Variants in HDGFL3 observed in about 807,000 individuals in gnomAD.
HDGFL3 encodes hepatoma-derived growth factor-related protein 3.
A neutral mutation model predicts 27.6 loss-of-function variants in HDGFL3; 6 were observed. The observed-to-expected ratio is 0.22, with a 90% CI of 0.12 to 0.43. HDGFL3 has a LOEUF of 0.43. Ranked by LOEUF, HDGFL3 falls within the 20% of genes least tolerant of loss-of-function variation. HDGFL3 has a pLI of 1.00. For synonymous variants in HDGFL3, 88 were observed against 88.9 expected (o/e 0.99, Z 0.05); for missense variants, 207 against 250.1 (o/e 0.83, Z 1.16).
At chr15:83,120,968 C>T (rs886656192) in intron 3 of HDGFL3, among the ~76,000 whole-genome samples, 18 of 152,012 alleles carry the variant, frequency 1.2e-4, no homozygotes, top group Non-Finnish European at 2.2e-4. Flanking sequence ...TGGGGCAGGA[C>T]GCACACAGTA....
At chr15:83,115,041 G>C (rs1462798039) in exon 4 of HDGFL3, 4 of 152,478 alleles carry the variant, frequency 2.6e-5, no homozygotes, top group African/African-American at 9.7e-5. Flanking sequence ...ACGCCATGTG[G>C]AATAGGGTAA....
At chr15:83,119,679 GGAGT>G in intron 3 of HDGFL3, 1 of 1,614,144 alleles carries the variant, frequency 6.2e-7, no homozygotes, top group Non-Finnish European at 8.5e-7. Context: ...CCATAGCATG[GGAGT>G]AAGTCAGTTC....
In HDGFL3 at chr15:83,134,644, G is replaced by A. The variant is rs2036493146; in HGVS notation, c.*4626C>T. On this transcript the variant is annotated 3_prime_UTR_variant, in exon 6 of 6. Transcript: ENST00000299633. ...TTTTTACACAGGCTCCCCTATGCAAGTAGGCACAACTGCTCATATTTATTC... is the reference window on the plus strand; with the variant it reads ...TTTTTACACAGGCTCCCCTATGCAAATAGGCACAACTGCTCATATTTATTC... 6.6e-6 allele frequency: 1 copy of A among 152,220 alleles called. No homozygotes were observed. Among genetic ancestry groups the A allele is most frequent in the Non-Finnish European group, 1.5e-5 (1 of 68,070 alleles). The allele number at this position is 152,220 out of a possible 1,614,324, so 9.4% of individuals were successfully genotyped here.
At chr15:83,190,179 G>A (rs1034425904) in intron 1 of HDGFL3, among the ~76,000 whole-genome samples, 4 of 144,354 alleles carry the variant, frequency 2.8e-5, no homozygotes, top group Admixed American at 1.4e-4. Context: ...CTATACTCCA[G>A]CCTGGGCAAC....
chr15:83,157,270 C>A, intron 4 of HDGFL3, 145 bp downstream of exon 4: 1 of 779,804 alleles, frequency 1.3e-6, no homozygotes, highest in Non-Finnish European at 2.1e-6. Flanking sequence ...ACCTGACTTC[C>A]CTCTGCTGTA....
chr15:83,129,219 T>C lies in HDGFL3; in HGVS notation c.*10051A>G, dbSNP rs1351723531. 1 of 152,240 alleles carries C rather than the reference T, an allele frequency of 6.6e-6. No homozygotes were observed. Among genetic ancestry groups the C allele is most frequent in the Non-Finnish European group, 1.5e-5 (1 of 68,062 alleles). The allele number at this position is 152,240 out of a possible 1,614,324, so 9.4% of individuals were successfully genotyped here. A position where few individuals can be genotyped will look rare whatever the true frequency, so the allele number is the denominator to read the frequency against. The stretch of plus-strand genomic sequence containing the variant: ...TACACTAGTCTGAGCTCTCATTACC[T>C]TACTTCATGCCAGGCAAACCACGTT... On this transcript the variant is annotated 3_prime_UTR_variant, in exon 6 of 6. Transcript: ENST00000299633.
intron 5 of HDGFL3, among the ~76,000 whole-genome samples, chr15:83,148,194 T>G (rs1020488598): frequency 2.0e-5 from 3 of 152,228 alleles, no homozygotes; most frequent in Non-Finnish European, 4.4e-5. Context: ...AATTTGGCAT[T>G]ATCTTGTAAA....
chr15:83,200,282 C>T (rs1173666056), intron 1 of HDGFL3, among the ~76,000 whole-genome samples: 2 of 151,160 alleles, frequency 1.3e-5, no homozygotes, highest in African/African-American at 2.4e-5. Flanking sequence ...TTGCAGTGAG[C>T]GGAGATCCCG....
intron 2 of HDGFL3, among the ~76,000 whole-genome samples, chr15:83,161,477 T>C (rs965883082): frequency 6.6e-5 from 10 of 152,362 alleles, no homozygotes; most frequent in Admixed American, 1.3e-4. Context: ...ACTGTAATAA[T>C]GCCAGAAGAG....
intron 1 of HDGFL3, chr15:83,169,227 C>T (rs2037211527): frequency 2.2e-6 from 1 of 447,124 alleles, no homozygotes; most frequent in Non-Finnish European, 4.5e-6. Flanking sequence ...TCTACCTTCA[C>T]CACTCCTATT....
intron 1 of HDGFL3, among the ~76,000 whole-genome samples, chr15:83,185,236 C>A (rs1210368136): frequency 6.6e-6 from 1 of 152,158 alleles, no homozygotes; most frequent in Non-Finnish European, 1.5e-5. Context: ...GTTGGCCAGG[C>A]TGGTCTCGAA....
In HDGFL3 at chr15:83,207,405, G is replaced by T; in HGVS notation, c.10C>A (p.Pro4Thr). The T allele has an allele frequency of 7.4e-7, 1 of 1,346,102 alleles. No individual in the cohort carries two copies. The allele number at this position is 1,346,102 out of a possible 1,614,324, so 83.4% of individuals were successfully genotyped here. Reference sequence around the variant, plus strand: ...CCCGCTTTGTACTCGCGGGGCCGCGGACGCGCCATCCCAGCCGCTCCCCTT... The same window carrying T: ...CCCGCTTTGTACTCGCGGGGCCGCGTACGCGCCATCCCAGCCGCTCCCCTT... MAR[P>T]RPREYKAGDL... The change falls in exon 1 of 6, where the codon CCG (proline) becomes ACG (threonine). Residue 4 changes from proline (P) to threonine (T), a missense_variant. Pro to Thr is a conservative substitution (Grantham distance 38, BLOSUM62 -1). Transcript: ENST00000299633. This position sits in a 1 kb window ranked among gnomAD's most constrained non-coding sequence, Gnocchi z 4.8.
chr15:83,163,416 G>A (rs1596553837), intron 2 of HDGFL3, among the ~76,000 whole-genome samples: 1 of 152,096 alleles, frequency 6.6e-6, no homozygotes, highest in Admixed American at 6.5e-5. Flanking sequence ...GGTCCCTAGG[G>A]CAAAGTAGTC....
chr15:83,152,441 C>T (rs988079896), intron 4 of HDGFL3, among the ~76,000 whole-genome samples: 2 of 152,134 alleles, frequency 1.3e-5, no homozygotes, highest in African/African-American at 4.8e-5. Context: ...TGGCTCACGC[C>T]TTTAATCTCA....
intron 5 of HDGFL3, among the ~76,000 whole-genome samples, chr15:83,145,536 T>C (rs1409061079): frequency 1.3e-5 from 2 of 152,158 alleles, no homozygotes; most frequent in African/African-American, 4.8e-5. Context: ...GGTGTCCTTC[T>C]TGCTCCTCCC....
intron 3 of HDGFL3, among the ~76,000 whole-genome samples, chr15:83,122,452 T>C (rs924605453): frequency 2.0e-5 from 3 of 152,176 alleles, no homozygotes; most frequent in South Asian, 2.1e-4. Context: ...CAAACATATA[T>C]AGATACCTAT....
intron 5 of HDGFL3, among the ~76,000 whole-genome samples, chr15:83,147,711 T>A (rs2036915430): frequency 6.6e-6 from 1 of 152,192 alleles, no homozygotes; most frequent in African/African-American, 2.4e-5. Flanking sequence ...TAAATGGTGC[T>A]GGTTCAAATG....
chr15:83,186,429 T>C (rs1012807364), intron 1 of HDGFL3, among the ~76,000 whole-genome samples: 2 of 152,208 alleles, frequency 1.3e-5, no homozygotes, highest in Non-Finnish European at 2.9e-5. Flanking sequence ...CTAAGTCTCA[T>C]TTAGTTTATA....
intron 1 of HDGFL3, among the ~76,000 whole-genome samples, chr15:83,165,184 C>A (rs1381864575): frequency 1.3e-5 from 2 of 152,124 alleles, no homozygotes; most frequent in African/African-American, 2.4e-5. Context: ...AGTGGGGAAC[C>A]CTGAAATTTA....
Sources: gnomAD v4.1 joint callset for allele counts (sites outside exome capture counted in the v4.1 genomes callset) on GRCh38, gnomAD v4.1.1 for gene constraint, Gnocchi (gnomAD v3.1) non-coding constraint, MANE v1.5 for transcripts, NCBI Gene and HGNC (gene_info 2026-07-23, HGNC 2026-07-21) for gene names.